The following PRKG1 variants were observed in gnomAD, a reference collection of about 807,000 sequenced individuals.
PRKG1 encodes the protein cGMP-dependent protein kinase 1.
PRKG1 carries 35 observed loss-of-function variants against 88.1 expected under a neutral mutation model. That is an observed-to-expected ratio of 0.40 (90% CI 0.30 to 0.53). The LOEUF is 0.53. Among genes scored for constraint, PRKG1 ranks in the 20% least tolerant of loss-of-function variants. The pLI is 0.59. For missense variants in PRKG1, 540 were observed against 839.8 expected (o/e 0.64, Z 4.41); for synonymous variants, 303 against 292.5 (o/e 1.04, Z -0.37).
At position 51,129,098 on chromosome 10, in the gene PRKG1, T is replaced by C. The variant is rs149812804; in HGVS notation, c.312-24066T>C. On this transcript the variant is annotated intron_variant, in intron 1 of 17. Coordinates refer to ENST00000373980, the MANE Select transcript of PRKG1 (RefSeq NM_006258.4). The stretch of plus-strand genomic sequence containing the variant: ...TGACATATTATGTTTGTAAGCACTT[T>C]GTCTTTTGACATGCTTTTATATGCG... Among the ~76,000 whole-genome samples the C allele has an allele frequency of 2.0e-4, 30 of 152,350 alleles. No homozygotes were observed. In the East Asian group the frequency reaches 5.6e-3, roughly 28 times the overall value.
chr10:51,687,206 T>G (rs1189117394), intron 3 of PRKG1, among the ~76,000 whole-genome samples: 3 of 152,238 alleles, frequency 2.0e-5, no homozygotes, highest in Non-Finnish European at 4.4e-5. Context: ...TAATTTGTAC[T>G]CTTAATTATG....
At chr10:51,419,873 G>A (rs1272950966) in intron 2 of PRKG1, among the ~76,000 whole-genome samples, 1 of 151,034 alleles carries the variant, frequency 6.6e-6, no homozygotes, top group Non-Finnish European at 1.5e-5. Context: ...TAGTGTAGCA[G>A]CATAATTAAA....
chr10:51,294,194 G>A (rs555541904), intron 2 of PRKG1, among the ~76,000 whole-genome samples: 16 of 151,744 alleles, frequency 1.1e-4, no homozygotes, highest in South Asian at 1.0e-3. Flanking sequence ...GATTGTTGTC[G>A]TTGCTCTTCA....
intron 3 of PRKG1, among the ~76,000 whole-genome samples, chr10:51,717,577 A>G (rs1332464028): frequency 6.6e-6 from 1 of 152,138 alleles, no homozygotes; most frequent in Non-Finnish European, 1.5e-5. Flanking sequence ...CATGCCTGTA[A>G]TCCCAGCACT....
At chr10:51,629,135 AT>A (rs1386894693) in intron 3 of PRKG1, among the ~76,000 whole-genome samples, 4 of 152,108 alleles carry the variant, frequency 2.6e-5, no homozygotes, top group African/African-American at 9.7e-5. Flanking sequence ...TTCACATTAA[AT>A]TTTGTTTCAG....
intron 2 of PRKG1, among the ~76,000 whole-genome samples, chr10:51,338,905 G>A (rs1283720261): frequency 3.3e-5 from 5 of 152,022 alleles, no homozygotes; most frequent in Non-Finnish European, 7.4e-5. Flanking sequence ...TTGTCCTGGA[G>A]AATAATTGGA....
chr10:51,079,158 A>T (rs1279599945), intron 1 of PRKG1, among the ~76,000 whole-genome samples: 1 of 152,210 alleles, frequency 6.6e-6, no homozygotes, highest in Non-Finnish European at 1.5e-5. Flanking sequence ...CTTCTATGGG[A>T]TTGCCTGTGA....
At chr10:51,297,186 G>A (rs1840743388) in intron 2 of PRKG1, among the ~76,000 whole-genome samples, 1 of 152,010 alleles carries the variant, frequency 6.6e-6, no homozygotes, top group African/African-American at 2.4e-5. Context: ...TGTAATAGGG[G>A]GAAAAAGGGC....
chr10:51,262,133 G>A (rs1839727229), intron 2 of PRKG1, among the ~76,000 whole-genome samples: 1 of 151,896 alleles, frequency 6.6e-6, no homozygotes, highest in Non-Finnish European at 1.5e-5. Context: ...TGATCCGCCC[G>A]CCTCGGCCTC....
intron 2 of PRKG1, among the ~76,000 whole-genome samples, chr10:51,428,233 T>G (rs997930343): frequency 6.6e-6 from 1 of 152,206 alleles, no homozygotes; most frequent in Non-Finnish European, 1.5e-5. Flanking sequence ...CTTGAAAACT[T>G]GTGGCAAATT....
At chr10:52,257,216 G>A (rs1257531665) in intron 10 of PRKG1, among the ~76,000 whole-genome samples, 1 of 139,340 alleles carries the variant, frequency 7.2e-6, no homozygotes, top group Admixed American at 7.5e-5. Context: ...ACAAGGAGGT[G>A]TATTTCACAG....
At chr10:52,103,583 G>A (rs1319644568) in intron 7 of PRKG1, among the ~76,000 whole-genome samples, 1 of 151,996 alleles carries the variant, frequency 6.6e-6, no homozygotes, top group African/African-American at 2.4e-5. Context: ...ATATATACAA[G>A]AAGTATTAAT....
intron 9 of PRKG1, among the ~76,000 whole-genome samples, chr10:52,175,351 A>C (rs1344308181): frequency 6.6e-6 from 1 of 152,066 alleles, no homozygotes; most frequent in Non-Finnish European, 1.5e-5. Flanking sequence ...TCTATTTTGT[A>C]TATATACCAC....
At chr10:52,130,568 AATTTAGT>A (rs1210726416) in intron 7 of PRKG1, among the ~76,000 whole-genome samples, 2 of 152,200 alleles carry the variant, frequency 1.3e-5, no homozygotes, top group Non-Finnish European at 2.9e-5. Context: ...GGAAAAGCTA[AATTTAGT>A]ATTATATTTT....
chr10:51,427,740 C>T (rs74132012), intron 2 of PRKG1, among the ~76,000 whole-genome samples: 256 of 152,292 alleles, frequency 1.7e-3, no homozygotes, highest in African/African-American at 6.0e-3. Flanking sequence ...TCCAGCTTCA[C>T]CCCAGAATCA....
intron 4 of PRKG1, among the ~76,000 whole-genome samples, chr10:51,842,026 G>C (rs1840289482): frequency 6.6e-6 from 1 of 152,194 alleles, no homozygotes; most frequent in Admixed American, 6.5e-5. Context: ...TGGATTTCAA[G>C]GCAGATACTT....
intron 1 of PRKG1, among the ~76,000 whole-genome samples, chr10:51,001,207 T>C (rs1842885306): frequency 6.6e-6 from 1 of 152,210 alleles, no homozygotes; most frequent in Non-Finnish European, 1.5e-5. Context: ...GGGCACCCAC[T>C]TCCATCCAGT....
chr10:51,970,900 A>G (rs1468833611), intron 5 of PRKG1, among the ~76,000 whole-genome samples: 1 of 150,280 alleles, frequency 6.7e-6, no homozygotes, highest in Non-Finnish European at 1.5e-5. Flanking sequence ...AATATGGACT[A>G]GAGTATTCAT....
chr10:52,059,354 A>G (rs1285206860), intron 6 of PRKG1, among the ~76,000 whole-genome samples: 1 of 152,020 alleles, frequency 6.6e-6, no homozygotes, highest in African/African-American at 2.4e-5. Flanking sequence ...CTCACACAAA[A>G]AACTCTGCAT....
Sources: allele counts gnomAD v4.1 joint callset (sites outside exome capture counted in the v4.1 genomes callset), GRCh38; gene constraint gnomAD v4.1.1; transcripts MANE v1.5; gene names NCBI Gene and HGNC (gene_info 2026-07-23, HGNC 2026-07-21).